Variants in ARHGEF3 observed in about 807,000 individuals in gnomAD.
ARHGEF3 encodes Rho guanine nucleotide exchange factor 3.
A neutral mutation model predicts 63.2 loss-of-function variants in ARHGEF3; 28 were observed. The ratio of observed to expected loss-of-function variants is 0.44; its 90% CI spans 0.33 to 0.61. The LOEUF is 0.61. Among genes scored for constraint, ARHGEF3 ranks in the 20% least tolerant of loss-of-function variants. The pLI is 0.03. For synonymous variants in ARHGEF3, 266 were observed against 254.2 expected (o/e 1.05, Z -0.44); for missense variants, 533 against 659.3 (o/e 0.81, Z 2.10).
chr3:56,747,640 TG>T (rs1304605388), intron 6 of ARHGEF3, among the ~76,000 whole-genome samples: 1 of 152,162 alleles, frequency 6.6e-6, no homozygotes. Flanking sequence ...CTGGGCAACG[TG>T]GCAAAATCCC....
At chr3:56,815,153 T>TG (rs1173308891) in intron 4 of ARHGEF3, among the ~76,000 whole-genome samples, 2 of 133,414 alleles carry the variant, frequency 1.5e-5, no homozygotes, top group African/African-American at 5.5e-5. Flanking sequence ...CTAAAAAAAT[T>TG]AAAAAAAAAA....
At chr3:56,743,823 CT>C (rs1387848361) in intron 7 of ARHGEF3, among the ~76,000 whole-genome samples, 12 of 152,112 alleles carry the variant, frequency 7.9e-5, no homozygotes, top group Non-Finnish European at 2.9e-5. Flanking sequence ...CCACTGCCAC[CT>C]CCTTGATCAG....
At chr3:56,927,199 CA>C (rs1560057112) in intron 3 of ARHGEF3, among the ~76,000 whole-genome samples, 1 of 152,178 alleles carries the variant, frequency 6.6e-6, no homozygotes, top group Non-Finnish European at 1.5e-5. Context: ...GGACCCACTG[CA>C]AAAAGTTCTT....
chr3:56,992,521 A>T (rs1433877254), intron 2 of ARHGEF3, among the ~76,000 whole-genome samples: 1 of 151,762 alleles, frequency 6.6e-6, no homozygotes, highest in Non-Finnish European at 1.5e-5. Context: ...CTCCAGACAC[A>T]TGCAGTGGCT....
intron 4 of ARHGEF3, among the ~76,000 whole-genome samples, chr3:56,868,549 G>A (rs898627541): frequency 1.3e-5 from 2 of 152,028 alleles, no homozygotes; most frequent in Non-Finnish European, 2.9e-5. Flanking sequence ...TTTTAGTACA[G>A]ACGGGGTTTC....
At chr3:57,002,215 T>C (rs1404475443) in intron 2 of ARHGEF3, among the ~76,000 whole-genome samples, 2 of 151,142 alleles carry the variant, frequency 1.3e-5, no homozygotes, top group African/African-American at 4.9e-5. Context: ...CCGGCTGACA[T>C]AGTATTTTTA....
intron 3 of ARHGEF3, among the ~76,000 whole-genome samples, chr3:56,928,424 C>T (rs2042330351): frequency 6.6e-6 from 1 of 152,172 alleles, no homozygotes; most frequent in African/African-American, 2.4e-5. Flanking sequence ...TGCAGACAGG[C>T]TCTGAAAACA....
chr3:56,931,394 G>T (rs952815939), intron 3 of ARHGEF3, among the ~76,000 whole-genome samples: 12 of 151,882 alleles, frequency 7.9e-5, no homozygotes, highest in African/African-American at 2.7e-4. Context: ...TGGGCAACAT[G>T]GCAAAACCCT....
At chr3:56,821,547 T>G (rs1011436922) in intron 4 of ARHGEF3, among the ~76,000 whole-genome samples, 3 of 152,186 alleles carry the variant, frequency 2.0e-5, no homozygotes, top group African/African-American at 7.2e-5. Context: ...TAAGTGAAAA[T>G]GGCATGTGTA....
chr3:56,745,821 G>A lies in ARHGEF3; in HGVS notation c.613-359C>T, dbSNP rs940860910. ...TGAGTAGCTGGGACTACAGGCGCCC[G>A]CCACCATGCCCGGATAATTTTTTGT... is the stretch of plus-strand genomic sequence containing the variant. On this transcript the variant is annotated intron_variant, in intron 6 of 9. Coordinates refer to ENST00000296315, the MANE Select transcript of ARHGEF3 (RefSeq NM_019555.3). 6.6e-5 allele frequency among the ~76,000 whole-genome samples: 10 copies of A among 152,106 alleles called. No homozygotes were observed. The South Asian group carries it at 1.4e-3, about 22-fold the overall frequency.
At chr3:56,986,797 CA>C (rs1441256000) in intron 2 of ARHGEF3, among the ~76,000 whole-genome samples, 1 of 135,260 alleles carries the variant, frequency 7.4e-6, no homozygotes, top group East Asian at 2.1e-4. Flanking sequence ...AGGATAAACG[CA>C]TGCGAATTTT....
intron 4 of ARHGEF3, among the ~76,000 whole-genome samples, chr3:56,809,080 G>A (rs2037971989): frequency 6.6e-6 from 1 of 152,166 alleles, no homozygotes; most frequent in Admixed American, 6.5e-5. Flanking sequence ...GCTTGGTGGG[G>A]CAAAGAAGAA....
intron 4 of ARHGEF3, among the ~76,000 whole-genome samples, chr3:56,848,051 G>A (rs2039548282): frequency 6.6e-6 from 1 of 152,180 alleles, no homozygotes; most frequent in Admixed American, 6.5e-5. Context: ...CGGGAAATGT[G>A]CACTGGGGAG....
Position 56,913,857 on chromosome 3 carries a change from A to C in ARHGEF3, c.130-31503T>G, listed in dbSNP as rs963578925. 4.3e-4 allele frequency among the ~76,000 whole-genome samples: 66 copies of C among 152,346 alleles called. 1 individual carries two copies. Among genetic ancestry groups the C allele is most frequent in the African/African-American group, 1.5e-3 (63 of 41,582 alleles). ...GCACATGCATGTTTATAGCAACACAATTCGCAACTGCAAAATCATGGAACA... is the reference window on the plus strand; with the variant it reads ...GCACATGCATGTTTATAGCAACACACTTCGCAACTGCAAAATCATGGAACA... On this transcript the variant is annotated intron_variant, in intron 3 of 12. Coordinates refer to the ARHGEF3 transcript ENST00000338458.
rs181062838 is a variant in ARHGEF3, at chr3:56,946,997, C to T, written c.129+11826G>A. Among the ~76,000 whole-genome samples, 812 of 152,196 alleles carry T rather than the reference C, an allele frequency of 5.3e-3. 7 individuals are homozygous for T. The highest frequency in any genetic ancestry group is 0.019 in the African/African-American group (788 of 41,546). On this transcript the variant is annotated intron_variant, in intron 3 of 12. Coordinates refer to the ARHGEF3 transcript ENST00000338458. ...TCGACATTCTTAAAGAAAAGAATTT[C>T]CAACCCAGAATTTCATATCCAGCCA...
intron 1 of ARHGEF3, among the ~76,000 whole-genome samples, chr3:56,779,476 G>GTTTTTTTTT (rs1189979162): frequency 6.6e-6 from 1 of 150,854 alleles, no homozygotes; most frequent in African/African-American, 2.5e-5. Context: ...AAAATAAAAA[G>GTTTTTTTTT]TTTTTTTTTA....
intron 2 of ARHGEF3, among the ~76,000 whole-genome samples, chr3:57,002,918 C>T (rs562566905): frequency 1.2e-3 from 183 of 151,280 alleles, no homozygotes; most frequent in African/African-American, 4.2e-3. Context: ...GGACTACAGG[C>T]GCACGCCACC....
At chr3:56,793,656 A>G (rs1396446105) in intron 1 of ARHGEF3, among the ~76,000 whole-genome samples, 1 of 152,170 alleles carries the variant, frequency 6.6e-6, no homozygotes, top group East Asian at 1.9e-4. Context: ...ATAAAATAGC[A>G]CCTTATTATT....
chr3:57,042,613 CTG>C (rs1302286335), intron 1 of ARHGEF3, among the ~76,000 whole-genome samples: 1 of 141,496 alleles, frequency 7.1e-6, no homozygotes, highest in Non-Finnish European at 1.5e-5. Flanking sequence ...CAAGAGCTGA[CTG>C]TTAAACATGT....
Sources: allele counts gnomAD v4.1 joint callset (sites outside exome capture counted in the v4.1 genomes callset), GRCh38; gene constraint gnomAD v4.1.1; transcripts MANE v1.5; gene names NCBI Gene and HGNC (gene_info 2026-07-23, HGNC 2026-07-21).